Variants in SORL1 observed in about 807,000 individuals in gnomAD.
SORL1 encodes sortilin related receptor 1.
In SORL1, 127 loss-of-function variants were observed where a neutral mutation model predicts 273.7. The observed-to-expected ratio is 0.46, with a 90% CI of 0.40 to 0.54. The LOEUF (loss-of-function observed/expected upper bound fraction) is 0.54, where lower values mean the gene tolerates loss of function less well. Among genes scored for constraint, SORL1 ranks in the 20% least tolerant of loss-of-function variants. The probability of loss-of-function intolerance (pLI) is 0.00; values close to 1 mark genes in which losing one functional copy is unlikely to be tolerated. For missense variants in SORL1, 2,494 were observed against 2,846.1 expected, an observed-to-expected ratio of 0.88 and a Z score of 2.81; for synonymous variants, 1,031 against 1,067.4, an observed-to-expected ratio of 0.97 and a Z score of 0.66.
rs1396855482 is a variant in SORL1, at chr11:121,629,675, G to T, written c.*112G>T. 5.3e-6 allele frequency: 3 copies of T among 569,596 alleles called. No individual in the cohort carries two copies. Among genetic ancestry groups the T allele is most frequent in the Non-Finnish European group, 9.4e-6 (3 of 320,448 alleles). The allele number at this position is 569,596 out of a possible 1,614,324, so 35.3% of individuals were successfully genotyped here. A position where few individuals can be genotyped will look rare whatever the true frequency, so the allele number is the denominator to read the frequency against. ...AGTTGCAATATGTTATTTTTATATGGGCCAAAAACAAAAAACAAAAAAAAA... is the reference window on the plus strand; with the variant it reads ...AGTTGCAATATGTTATTTTTATATGTGCCAAAAACAAAAAACAAAAAAAAA... On this transcript the variant is annotated 3_prime_UTR_variant, in exon 48 of 48. Transcript: ENST00000260197.
intron 20 of SORL1, among the ~76,000 whole-genome samples, 173 bp from the exon 21 acceptor site, chr11:121,559,346 T>C (rs1408560337): frequency 6.6e-6 from 1 of 152,186 alleles, no homozygotes; most frequent in African/African-American, 2.4e-5. Flanking sequence ...TGGGGTTATA[T>C]GGTGAGGTTT....
chr11:121,481,913 G>A (rs1157917293), intron 3 of SORL1, among the ~76,000 whole-genome samples: 39 of 140,726 alleles, frequency 2.8e-4, no homozygotes, highest in Admixed American at 1.5e-3. Context: ...CTCCCCTAGT[G>A]CACAGATACC....
intron 39 of SORL1, chr11:121,611,777 CAG>C (rs890708967): frequency 2.0e-5 from 3 of 152,334 alleles, no homozygotes; most frequent in African/African-American, 7.2e-5. Flanking sequence ...AAGCAACCTT[CAG>C]AGTCTTTCTG....
chr11:121,562,330 G>A (rs978310705), intron 21 of SORL1, among the ~76,000 whole-genome samples: 4 of 152,036 alleles, frequency 2.6e-5, no homozygotes, highest in African/African-American at 4.8e-5. Flanking sequence ...TAACACATTC[G>A]GGACTTTCTA....
chr11:121,590,672 C>G (rs984055674), intron 30 of SORL1: 1 of 623,376 alleles, frequency 1.6e-6, no homozygotes, highest in African/African-American at 1.8e-5. Context: ...AATGCTTTGC[C>G]TCAGTAGGAA....
At chr11:121,573,566 T>C (rs1185632498) in intron 23 of SORL1, among the ~76,000 whole-genome samples, 1 of 152,180 alleles carries the variant, frequency 6.6e-6, no homozygotes, top group Non-Finnish European at 1.5e-5. Flanking sequence ...TGAGCCGAGA[T>C]TGCGCCACTG....
At chr11:121,457,691 G>GA (rs1400833341) in intron 1 of SORL1, among the ~76,000 whole-genome samples, 1 of 152,218 alleles carries the variant, frequency 6.6e-6, no homozygotes, top group Non-Finnish European at 1.5e-5. Flanking sequence ...CAGAGCAGGA[G>GA]AGCAGCCTGA....
intron 35 of SORL1, among the ~76,000 whole-genome samples, chr11:121,606,257 A>G (rs747973414): frequency 3.3e-5 from 5 of 152,190 alleles, no homozygotes; most frequent in Non-Finnish European, 5.9e-5. Flanking sequence ...TACCAAATTT[A>G]TGTGTCTAAG....
At chr11:121,612,433 C>T (rs1373467251) in intron 39 of SORL1, 9 of 233,248 alleles carry the variant, frequency 3.9e-5, no homozygotes, top group Non-Finnish European at 6.0e-5. Context: ...TCCAGTGTTT[C>T]CTCTTTCTAC....
intron 6 of SORL1, among the ~76,000 whole-genome samples, chr11:121,501,014 G>A (rs915151853): frequency 5.3e-5 from 8 of 152,158 alleles, no homozygotes; most frequent in African/African-American, 1.4e-4. Context: ...GCTTCTAGAT[G>A]AGAAATCAGC....
chr11:121,517,664 C>T (rs937441929), intron 8 of SORL1, among the ~76,000 whole-genome samples: 4 of 152,184 alleles, frequency 2.6e-5, no homozygotes, highest in African/African-American at 4.8e-5. Flanking sequence ...TGGCCCTTTA[C>T]AGAGTCATGA....
chr11:121,471,921 C>T (rs1339956543), intron 2 of SORL1, among the ~76,000 whole-genome samples: 1 of 152,094 alleles, frequency 6.6e-6, no homozygotes, highest in Non-Finnish European at 1.5e-5. Context: ...ATGACTTTGG[C>T]CCATTTATAA....
At chr11:121,473,119 A>G (rs1861198017) in intron 2 of SORL1, among the ~76,000 whole-genome samples, 1 of 152,240 alleles carries the variant, frequency 6.6e-6, no homozygotes, top group South Asian at 2.1e-4. Context: ...AGTTAATGTG[A>G]AAAGAAATGA....
intron 31 of SORL1, among the ~76,000 whole-genome samples, chr11:121,592,672 A>G (rs1863233588): frequency 6.6e-6 from 1 of 152,230 alleles, no homozygotes; most frequent in African/African-American, 2.4e-5. Context: ...GCTGTCTACT[A>G]CTTTGAGTCC....
In SORL1 at chr11:121,520,786, G is replaced by A; in HGVS notation, c.1341G>A (p.Gly447=). 2 of 1,612,532 alleles carry A rather than the reference G, an allele frequency of 1.2e-6. No homozygotes were observed. The highest frequency in any genetic ancestry group is 1.7e-6 in the Non-Finnish European group (2 of 1,179,314). The change falls in exon 9 of 48, where the codon GGG becomes GGA. Residue 447 remains glycine (G), a synonymous_variant. Transcript: ENST00000260197. ...NMRSVITFDK[G]GTWEFLQAPA... ...GATCGGTCATCACCTTTGACAAAGG[G>A]GGAACCTGGGAGTTTCTTCAGGCTC... is the stretch of plus-strand genomic sequence containing the variant.
At chr11:121,497,399 C>A (rs907232825) in intron 6 of SORL1, among the ~76,000 whole-genome samples, 5 of 152,322 alleles carry the variant, frequency 3.3e-5, no homozygotes, top group African/African-American at 1.2e-4. Flanking sequence ...TCAGTGGCTT[C>A]TTTCCTTTAA....
chr11:121,570,291 G>A (rs758919407), intron 23 of SORL1, 21 bp downstream of exon 23: 5 of 1,564,852 alleles, frequency 3.2e-6, no homozygotes, highest in South Asian at 2.2e-5. Context: ...TGGATTGGAC[G>A]TTAAGCACTT....
At chr11:121,501,312 C>T (rs1861704878) in intron 6 of SORL1, among the ~76,000 whole-genome samples, 1 of 152,194 alleles carries the variant, frequency 6.6e-6, no homozygotes, top group African/African-American at 2.4e-5. Flanking sequence ...CAATGATCAT[C>T]ATTACCTAAT....
chr11:121,498,174 C>T (rs982012902), intron 6 of SORL1, among the ~76,000 whole-genome samples: 3 of 152,216 alleles, frequency 2.0e-5, no homozygotes, highest in African/African-American at 7.2e-5. Context: ...TCAGTGCCTT[C>T]CTGCCTTGAC....
Sources: allele counts gnomAD v4.1 joint callset (sites outside exome capture counted in the v4.1 genomes callset), GRCh38; gene constraint gnomAD v4.1.1; transcripts MANE v1.5; gene names NCBI Gene and HGNC (gene_info 2026-07-23, HGNC 2026-07-21).